BRINP3: variants seen among roughly 807,000 people sequenced by gnomAD.
The protein encoded by BRINP3 is BMP/retinoic acid inducible neural specific 3, also known as BMP/retinoic acid-inducible neural-specific protein 3.
Under a neutral mutation model 71.0 loss-of-function variants are expected in BRINP3, and 19 were observed. That is an observed-to-expected ratio of 0.27 (90% CI 0.19 to 0.39). The LOEUF is 0.39. Ranked by LOEUF, BRINP3 falls within the 10% of genes least tolerant of loss-of-function variation. BRINP3 has a pLI of 1.00. For synonymous variants in BRINP3, 380 were observed against 337.7 expected, an observed-to-expected ratio of 1.13 and a Z score of -1.37; for missense variants, 959 against 940.8, an observed-to-expected ratio of 1.02 and a Z score of -0.25.
intron 6 of BRINP3, among the ~76,000 whole-genome samples, chr1:190,182,348 G>T (rs1653102104): frequency 6.6e-6 from 1 of 151,944 alleles, no homozygotes; most frequent in Non-Finnish European, 1.5e-5. Flanking sequence ...AGTACTGCAG[G>T]TTCCCCAGGC....
chr1:190,304,657 C>T (rs1204684320), intron 2 of BRINP3, among the ~76,000 whole-genome samples: 1 of 151,748 alleles, frequency 6.6e-6, no homozygotes, highest in Non-Finnish European at 1.5e-5. Context: ...AGACTTGAAA[C>T]TAGGAGAAAA....
chr1:190,409,182 G>A (rs1245140757), intron 2 of BRINP3, among the ~76,000 whole-genome samples: 1 of 152,026 alleles, frequency 6.6e-6, no homozygotes, highest in Non-Finnish European at 1.5e-5. Context: ...CTGGAGTATT[G>A]CTTGAGTCCT....
intron 2 of BRINP3, among the ~76,000 whole-genome samples, chr1:190,335,333 C>T (rs1381442033): frequency 2.0e-5 from 3 of 151,834 alleles, no homozygotes; most frequent in East Asian, 1.9e-4. Context: ...ACTTTTACTA[C>T]TTGCCTTAAA....
intron 2 of BRINP3, among the ~76,000 whole-genome samples, chr1:190,335,893 C>T (rs1420385158): frequency 6.6e-6 from 1 of 151,858 alleles, no homozygotes; most frequent in Admixed American, 6.6e-5. Flanking sequence ...TATTATAAAA[C>T]CTTTTCTTCC....
At chr1:190,424,586 CT>C (rs932767654) in intron 2 of BRINP3, among the ~76,000 whole-genome samples, 125 of 151,732 alleles carry the variant, frequency 8.2e-4, no homozygotes, top group African/African-American at 3.0e-3. Context: ...TAAGAAATGT[CT>C]TATAGAAATT....
intron 3 of BRINP3, among the ~76,000 whole-genome samples, chr1:190,274,388 TG>T (rs1662370647): frequency 6.6e-6 from 1 of 151,604 alleles, no homozygotes; most frequent in African/African-American, 2.4e-5. Flanking sequence ...TGTGCATTTA[TG>T]GCAGATGTCT....
intron 2 of BRINP3, among the ~76,000 whole-genome samples, chr1:190,436,976 T>A (rs1315496553): frequency 6.6e-6 from 1 of 151,824 alleles, no homozygotes; most frequent in South Asian, 2.1e-4. Context: ...GATTACAATA[T>A]AAGTTACAGA....
rs1170953886 is a variant in BRINP3 at position 190,419,872 on chromosome 1, A to AT, written c.236+34782_236+34783insA. On this transcript the variant is annotated intron_variant, in intron 2 of 7. Coordinates refer to ENST00000367462, the MANE Select transcript of BRINP3 (RefSeq NM_199051.3). ...AAAGAATCCCTGATTAGAAAAAAAA[A>AT]ATACTCCCAGGTCAATATGACAATG... 1.6e-4 allele frequency among the ~76,000 whole-genome samples: 24 copies of AT among 151,852 alleles called. No individual in the cohort carries two copies. In the East Asian group the frequency reaches 4.6e-3, roughly 29 times the overall value.
intron 2 of BRINP3, among the ~76,000 whole-genome samples, chr1:190,391,388 C>T (rs1404857875): frequency 1.3e-5 from 2 of 151,718 alleles, no homozygotes; most frequent in Non-Finnish European, 2.9e-5. Context: ...TGTTGAATTC[C>T]ATTTGCTGTT....
intron 2 of BRINP3, among the ~76,000 whole-genome samples, chr1:190,437,929 A>G (rs1326049758): frequency 6.6e-6 from 1 of 151,642 alleles, no homozygotes; most frequent in Non-Finnish European, 1.5e-5. Context: ...TTTTCCTTAT[A>G]ATTTATATAG....
intron 6 of BRINP3, among the ~76,000 whole-genome samples, chr1:190,196,034 T>C (rs1295628846): frequency 6.6e-6 from 1 of 152,158 alleles, no homozygotes; most frequent in Admixed American, 6.6e-5. Context: ...TTGAGCTAGA[T>C]TGTATAGAAG....
chr1:190,241,603 G>A (rs142083890), intron 4 of BRINP3, among the ~76,000 whole-genome samples: 233 of 151,976 alleles, frequency 1.5e-3, no homozygotes, highest in African/African-American at 5.5e-3. Flanking sequence ...TGAATGTACT[G>A]GTTAATATGA....
chr1:190,377,647 T>TAC (rs36021596), intron 2 of BRINP3, among the ~76,000 whole-genome samples: 7,171 of 149,712 alleles, frequency 0.048, 240 homozygotes, highest in Non-Finnish European at 0.071. Flanking sequence ...AGTACACACA[T>TAC]ACACACACAC....
chr1:190,210,325 A>C (rs1440347090), intron 6 of BRINP3, among the ~76,000 whole-genome samples: 1 of 152,082 alleles, frequency 6.6e-6, no homozygotes, highest in Non-Finnish European at 1.5e-5. Flanking sequence ...TCACTATAGC[A>C]TGTGTATGAA....
At chr1:190,301,248 T>C (rs1255629001) in intron 2 of BRINP3, among the ~76,000 whole-genome samples, 19 of 132,200 alleles carry the variant, frequency 1.4e-4, no homozygotes, top group South Asian at 2.5e-4. Flanking sequence ...CACATACATA[T>C]ATATATATAT....
intron 1 of BRINP3, among the ~76,000 whole-genome samples, chr1:190,466,954 A>T (rs193215807): frequency 1.4e-3 from 217 of 149,878 alleles, no homozygotes; most frequent in Non-Finnish European, 2.5e-3. Context: ...TTTTGGAGAT[A>T]AAAAAACACA....
At chr1:190,345,347 C>G (rs929121263) in intron 2 of BRINP3, among the ~76,000 whole-genome samples, 1 of 151,598 alleles carries the variant, frequency 6.6e-6, no homozygotes, top group African/African-American at 2.4e-5. Context: ...GAAATTGAAG[C>G]AATAGTTTAG....
chr1:190,313,418 A>G (rs1665666295), intron 2 of BRINP3, among the ~76,000 whole-genome samples: 1 of 152,002 alleles, frequency 6.6e-6, no homozygotes, highest in Admixed American at 6.6e-5. Flanking sequence ...GTATCCTGCA[A>G]GTGGTAAAAA....
At chr1:190,167,530 G>A (rs1651662590) in intron 6 of BRINP3, among the ~76,000 whole-genome samples, 1 of 152,134 alleles carries the variant, frequency 6.6e-6, no homozygotes, top group South Asian at 2.1e-4. Context: ...TCAAAGTACA[G>A]AATGAATGTG....
Sources: allele counts gnomAD v4.1 joint callset (sites outside exome capture counted in the v4.1 genomes callset), GRCh38; gene constraint gnomAD v4.1.1; transcripts MANE v1.5; gene names NCBI Gene and HGNC (gene_info 2026-07-23, HGNC 2026-07-21).